MYRIP: variants seen among roughly 807,000 people sequenced by gnomAD.
MYRIP encodes rab effector MyRIP.
Under a neutral mutation model 98.0 loss-of-function variants are expected in MYRIP, and 49 were observed. That is an observed-to-expected ratio of 0.50 (90% CI 0.40 to 0.63). The LOEUF (loss-of-function observed/expected upper bound fraction) is 0.63. Ranked by LOEUF, MYRIP falls within the 30% of genes least tolerant of loss-of-function variation. MYRIP has a pLI of 0.00. For synonymous variants in MYRIP, 404 were observed against 409.5 expected (o/e 0.99, Z 0.16); for missense variants, 1,004 against 1,058.2 (o/e 0.95, Z 0.71).
chr3:40,120,357 A>AT (rs1476031490), intron 3 of MYRIP, among the ~76,000 whole-genome samples: 1 of 151,892 alleles, frequency 6.6e-6, no homozygotes, highest in African/African-American at 2.4e-5. Flanking sequence ...CTTACTTATT[A>AT]TATAACTTAA....
intron 3 of MYRIP, among the ~76,000 whole-genome samples, chr3:40,141,235 C>T (rs1218114457): frequency 1.3e-5 from 2 of 152,188 alleles, no homozygotes; most frequent in African/African-American, 4.8e-5. Context: ...GAATGAGATC[C>T]AGTCATTTGT....
intron 2 of MYRIP, among the ~76,000 whole-genome samples, chr3:39,997,554 C>T (rs773123772): frequency 3.3e-5 from 5 of 152,054 alleles, no homozygotes; most frequent in Non-Finnish European, 2.9e-5. Context: ...AGCTTACCAA[C>T]CAAAAAAAGT....
chr3:40,170,079 C>T lies in MYRIP; in HGVS notation c.859C>T (p.Pro287Ser). Residue 287 changes from proline (P) to serine (S), a missense_variant, in exon 8 of 17, where the codon CCC becomes TCC. Coordinates refer to ENST00000302541, the MANE Select transcript of MYRIP (RefSeq NM_015460.4). ...AGCATCCCCTGGAGGCTACCGTGCT[C>T]CCGCTGCCCTCTGGGTGAGTCCCCA... The part of the protein sequence containing the change: ...TSASPGGYRA[P>S]AALWRSQSAF... 1 of 1,614,184 alleles carries T rather than the reference C, an allele frequency of 6.2e-7. No homozygotes were observed. Among genetic ancestry groups the T allele is most frequent in the Non-Finnish European group, 8.5e-7 (1 of 1,180,044 alleles).
At chr3:40,137,456 C>T (rs904548635) in intron 3 of MYRIP, among the ~76,000 whole-genome samples, 1 of 152,176 alleles carries the variant, frequency 6.6e-6, no homozygotes, top group African/African-American at 2.4e-5. Context: ...ACCAGAGGTA[C>T]AAGGAGGAAC....
At chr3:40,152,649 T>C (rs1364345106) in intron 4 of MYRIP, among the ~76,000 whole-genome samples, 1 of 152,176 alleles carries the variant, frequency 6.6e-6, no homozygotes, top group African/African-American at 2.4e-5. Context: ...ACTTTATTCA[T>C]CTGAGTCTCA....
intron 2 of MYRIP, among the ~76,000 whole-genome samples, chr3:39,939,246 T>A (rs1165105157): frequency 2.0e-5 from 3 of 152,128 alleles, no homozygotes; most frequent in East Asian, 3.9e-4. Context: ...GTGGCCAACC[T>A]CTAAGGAATT....
chr3:39,876,960 C>T (rs1433256743), intron 1 of MYRIP, among the ~76,000 whole-genome samples: 1 of 152,156 alleles, frequency 6.6e-6, no homozygotes, highest in African/African-American at 2.4e-5. Flanking sequence ...TTGATTCTCC[C>T]CGTCGCTTTC....
chr3:39,903,582 A>G lies in MYRIP; in HGVS notation c.110+2656A>G, dbSNP rs77075432. ...TCCTCAGAACACATCATGGTAATGT[A>G]AAGAGGGATAATGGGGATGAAGAAT... is the stretch of plus-strand genomic sequence containing the variant. On this transcript the variant is annotated intron_variant, in intron 2 of 16. Coordinates refer to ENST00000302541, the MANE Select transcript of MYRIP (RefSeq NM_015460.4). Among the ~76,000 whole-genome samples, 882 of 152,318 alleles carry G rather than the reference A, an allele frequency of 5.8e-3. 7 individuals carry two copies. The highest frequency in any genetic ancestry group is 0.02 in the African/African-American group (839 of 41,572).
At position 40,189,920 on chromosome 3, in the gene MYRIP, C is replaced by A. The variant is rs758443012; in HGVS notation, c.1122C>A (p.Ser374Arg). ...PPTRLLAKPK[S>R]GTFQALEVAS... ...CCCGACTACTGGCCAAACCTAAGAGCGGGACGTTTCAGGCCCTGGAGGTGG... is the reference window on the plus strand; with the variant it reads ...CCCGACTACTGGCCAAACCTAAGAGAGGGACGTTTCAGGCCCTGGAGGTGG... Residue 374 changes from serine to arginine, a missense_variant, in exon 10 of 17, where the codon AGC (serine) becomes AGA (arginine). Coordinates refer to ENST00000302541, the MANE Select transcript of MYRIP (RefSeq NM_015460.4). 1 of 1,614,172 alleles carries A rather than the reference C, an allele frequency of 6.2e-7. No individual in the cohort carries two copies. Among genetic ancestry groups the A allele is most frequent in the Admixed American group, 1.7e-5 (1 of 60,028 alleles).
At chr3:39,989,891 T>C (rs542680740) in intron 2 of MYRIP, among the ~76,000 whole-genome samples, 3 of 152,342 alleles carry the variant, frequency 2.0e-5, no homozygotes, top group African/African-American at 7.2e-5. Context: ...CCTGGAGCTA[T>C]AGAGATGGCT....
chr3:40,046,752 C>A (rs935611074), intron 3 of MYRIP, among the ~76,000 whole-genome samples: 2 of 151,640 alleles, frequency 1.3e-5, no homozygotes, highest in Non-Finnish European at 2.9e-5. Flanking sequence ...TAAGGGATGG[C>A]GAAATCACTG....
chr3:40,013,151 T>C (rs1452519385), intron 2 of MYRIP, among the ~76,000 whole-genome samples: 1 of 152,176 alleles, frequency 6.6e-6, no homozygotes, highest in Non-Finnish European at 1.5e-5. Context: ...TCCTCACACC[T>C]TTCTCTATTG....
intron 10 of MYRIP, among the ~76,000 whole-genome samples, chr3:40,191,543 G>T (rs562276106): frequency 1.1e-4 from 16 of 152,240 alleles, no homozygotes; most frequent in Admixed American, 8.5e-4. Flanking sequence ...TCTTCTACAA[G>T]ATCTTCTATG....
intron 9 of MYRIP, among the ~76,000 whole-genome samples, chr3:40,184,084 G>A (rs1217393174): frequency 6.6e-6 from 1 of 152,148 alleles, no homozygotes; most frequent in Non-Finnish European, 1.5e-5. Flanking sequence ...TATGGTGTTT[G>A]CTTTTGCTTT....
At chr3:40,048,259 C>T (rs1947711866) in intron 3 of MYRIP, among the ~76,000 whole-genome samples, 2 of 152,152 alleles carry the variant, frequency 1.3e-5, no homozygotes, top group South Asian at 4.1e-4. Context: ...CATATTCACT[C>T]CCCACTACCC....
At chr3:40,078,880 CA>C (rs1247690681) in intron 3 of MYRIP, among the ~76,000 whole-genome samples, 1 of 151,902 alleles carries the variant, frequency 6.6e-6, no homozygotes, top group African/African-American at 2.4e-5. Flanking sequence ...TTCCACCTGT[CA>C]AAACATGATT....
chr3:40,194,657 C>T (rs1216871863), intron 10 of MYRIP, among the ~76,000 whole-genome samples: 1 of 152,108 alleles, frequency 6.6e-6, no homozygotes, highest in African/African-American at 2.4e-5. Flanking sequence ...GTATCTACTT[C>T]AGAATAATTG....
chr3:40,025,780 G>A (rs1947112717), intron 2 of MYRIP, among the ~76,000 whole-genome samples: 1 of 152,054 alleles, frequency 6.6e-6, no homozygotes, highest in African/African-American at 2.4e-5. Flanking sequence ...AAAAGGGGAG[G>A]GGGTGTACGA....
rs185768744 is a variant in MYRIP at position 39,972,112 on chromosome 3, A to G, written c.110+71186A>G. 1.7e-3 allele frequency among the ~76,000 whole-genome samples: 252 copies of G among 152,218 alleles called. 1 individual carries two copies. The highest frequency in any genetic ancestry group is 5.8e-3 in the African/African-American group (240 of 41,566). On this transcript the variant is annotated intron_variant, in intron 2 of 16. Transcript: ENST00000302541. ...CTATTAGCTACAAAATGTTGGCAACATGTTAAACTTCAATTACTTTTTATA... is the reference window on the plus strand; with the variant it reads ...CTATTAGCTACAAAATGTTGGCAACGTGTTAAACTTCAATTACTTTTTATA...
Sources: allele counts gnomAD v4.1 joint callset (sites outside exome capture counted in the v4.1 genomes callset), GRCh38; gene constraint gnomAD v4.1.1; transcripts MANE v1.5; gene names NCBI Gene and HGNC (gene_info 2026-07-23, HGNC 2026-07-21).